PLEKHG7: variants seen among roughly 807,000 people sequenced by gnomAD.
The protein encoded by PLEKHG7 is pleckstrin homology and RhoGEF domain containing G7.
In PLEKHG7, 77 loss-of-function variants were observed where a neutral mutation model predicts 85.2. The ratio of observed to expected loss-of-function variants is 0.90; its 90% confidence interval spans 0.75 to 1.09. PLEKHG7 has a LOEUF of 1.09. Among genes scored for constraint, PLEKHG7 ranks in the 50% least tolerant of loss-of-function variants. The pLI, the probability that PLEKHG7 is intolerant of heterozygous loss-of-function variation, is 0.00. For synonymous variants in PLEKHG7, 301 were observed against 302.4 expected (o/e 1.00, Z 0.05); for missense variants, 777 against 804.3 (o/e 0.97, Z 0.41).
At chr12:92,741,966 C>G (rs749517448) in intron 9 of PLEKHG7, among the ~76,000 whole-genome samples, 2 of 152,202 alleles carry the variant, frequency 1.3e-5, no homozygotes, top group African/African-American at 4.8e-5. Context: ...ACAGAATAAA[C>G]CTTCAAATCC....
chr12:92,727,258 T>A (rs970691894), intron 3 of PLEKHG7, among the ~76,000 whole-genome samples: 1 of 152,190 alleles, frequency 6.6e-6, no homozygotes, highest in African/African-American at 2.4e-5. Flanking sequence ...TCTCCTTGCA[T>A]CTTTTTAAAA....
chr12:92,735,563 T>A (rs1014192018), intron 5 of PLEKHG7, among the ~76,000 whole-genome samples: 1 of 152,226 alleles, frequency 6.6e-6, no homozygotes, highest in South Asian at 2.1e-4. Context: ...AAACATTCAT[T>A]TGAAATGCAG....
chr12:92,707,543 A>T lies in PLEKHG7; in HGVS notation c.508-107A>T, dbSNP rs2136568314. On this transcript the variant is annotated intron_variant, in intron 2 of 16. Coordinates refer to ENST00000344636, the MANE Select transcript of PLEKHG7 (RefSeq NM_001377329.1). ...TTCCAATCCCACCAAAATGTAAAAC[A>T]TGTTTTAACTAGGAGGGCTCATTGT... 4 of 1,510,302 alleles carry T rather than the reference A, an allele frequency of 2.6e-6. No homozygotes were observed. In the South Asian group the frequency reaches 5.2e-5, roughly 20 times the overall value. The allele number at this position is 1,510,302 out of a possible 1,614,324, so 93.6% of individuals were successfully genotyped here.
chr12:92,765,571 G>C (rs1359820410), intron 15 of PLEKHG7, among the ~76,000 whole-genome samples: 3 of 151,632 alleles, frequency 2.0e-5, no homozygotes, highest in African/African-American at 7.3e-5. Flanking sequence ...GGAGGTTGTG[G>C]TGAGCCGAGA....
chr12:92,756,226 C>A, intron 12 of PLEKHG7, 72 bp from the exon 13 acceptor site: 1 of 1,153,820 alleles, frequency 8.7e-7, no homozygotes, highest in Non-Finnish European at 1.3e-6. Context: ...GAGTTAATTG[C>A]CCCAGCTTTT....
chr12:92,753,538 C>G (rs902183031), intron 10 of PLEKHG7, among the ~76,000 whole-genome samples: 1 of 152,120 alleles, frequency 6.6e-6, no homozygotes, highest in Non-Finnish European at 1.5e-5. Context: ...CCAAACTCTC[C>G]CTATTGAAAA....
intron 10 of PLEKHG7, among the ~76,000 whole-genome samples, chr12:92,750,725 A>G (rs959652906): frequency 6.6e-6 from 1 of 152,172 alleles, no homozygotes; most frequent in Non-Finnish European, 1.5e-5. Flanking sequence ...GCTAAAGCAT[A>G]GCCCTGCTCC....
At chr12:92,723,274 C>T in intron 3 of PLEKHG7, among the ~76,000 whole-genome samples, 1 of 152,040 alleles carries the variant, frequency 6.6e-6, no homozygotes, top group East Asian at 1.9e-4. Flanking sequence ...TTTACTGAGC[C>T]CTTGCTAAAC....
intron 3 of PLEKHG7, among the ~76,000 whole-genome samples, chr12:92,724,832 A>G (rs527568879): frequency 6.6e-6 from 1 of 152,308 alleles, no homozygotes; most frequent in South Asian, 2.1e-4. Flanking sequence ...AGAGAGTCAG[A>G]GCAGGTCAGC....
intron 7 of PLEKHG7, 130 bp from the exon 8 acceptor site, chr12:92,740,723 C>T: frequency 1.6e-6 from 1 of 634,466 alleles, no homozygotes; most frequent in Non-Finnish European, 2.8e-6. Flanking sequence ...ACATTTAAAC[C>T]TTGAGAGTGC....
chr12:92,751,264 A>C (rs1037952624), intron 10 of PLEKHG7, among the ~76,000 whole-genome samples: 9 of 152,148 alleles, frequency 5.9e-5, no homozygotes, highest in African/African-American at 2.2e-4. Context: ...GAGAAATCGG[A>C]GGTCCAGAGA....
chr12:92,713,345 G>A (rs1177612644), intron 3 of PLEKHG7, among the ~76,000 whole-genome samples: 4 of 152,096 alleles, frequency 2.6e-5, no homozygotes, highest in Non-Finnish European at 5.9e-5. Flanking sequence ...AATGTAGTAG[G>A]CTTCCTATCA....
chr12:92,748,072 A>AT (rs1312782858), intron 10 of PLEKHG7, among the ~76,000 whole-genome samples: 1 of 152,252 alleles, frequency 6.6e-6, no homozygotes, highest in Non-Finnish European at 1.5e-5. Context: ...GATGTTAATA[A>AT]TTATGGTTAT....
intron 3 of PLEKHG7, 73 bp downstream of exon 3, chr12:92,707,745 C>T: frequency 1.2e-6 from 2 of 1,606,604 alleles, no homozygotes; most frequent in Non-Finnish European, 1.7e-6. Context: ...TATTTCTGTC[C>T]TGACATAACA....
At chr12:92,753,284 T>C (rs1364695195) in intron 10 of PLEKHG7, among the ~76,000 whole-genome samples, 2 of 152,066 alleles carry the variant, frequency 1.3e-5, no homozygotes, top group African/African-American at 2.4e-5. Context: ...CATGCCTCAT[T>C]TGCCACCTTC....
At chr12:92,747,280 T>C (rs1289437189) in intron 10 of PLEKHG7, among the ~76,000 whole-genome samples, 1 of 147,766 alleles carries the variant, frequency 6.8e-6, no homozygotes, top group Non-Finnish European at 1.5e-5. Flanking sequence ...AATCTCAACA[T>C]CACTAATCGT....
chr12:92,761,631 AAAGAAAGAAAGAAAGAAAGAAAG>A (rs1323398847), intron 13 of PLEKHG7, 98 bp from the exon 14 acceptor site: 1 of 153,058 alleles, frequency 6.5e-6, no homozygotes, highest in Non-Finnish European at 9.0e-6. Context: ...AAGAAGAAAG[AAAGAAAGAAAGAAAGAAAGAAAG>A]AAAGAAAGAA....
intron 5 of PLEKHG7, 71 bp from the exon 6 acceptor site, chr12:92,736,411 C>T: frequency 2.1e-6 from 2 of 952,676 alleles, no homozygotes; most frequent in Non-Finnish European, 2.7e-6. Context: ...ACGAAAGATG[C>T]CAAGGCTACC....
At chr12:92,712,161 G>A (rs1871378002) in intron 3 of PLEKHG7, among the ~76,000 whole-genome samples, 1 of 152,158 alleles carries the variant, frequency 6.6e-6, no homozygotes, top group African/African-American at 2.4e-5. Context: ...CTTGCTCACT[G>A]GATCCAATCA....
Sources: allele counts gnomAD v4.1 joint callset (sites outside exome capture counted in the v4.1 genomes callset), GRCh38; gene constraint gnomAD v4.1.1; transcripts MANE v1.5; gene names NCBI Gene and HGNC (gene_info 2026-07-23, HGNC 2026-07-21).